The following NUP210 variants were observed in gnomAD, a reference collection of about 807,000 sequenced individuals.
NUP210 encodes the protein nuclear pore membrane glycoprotein 210.
Under a neutral mutation model 196.0 loss-of-function variants are expected in NUP210, and 151 were observed. The ratio of observed to expected loss-of-function variants is 0.77; its 90% confidence interval spans 0.67 to 0.88. The LOEUF (loss-of-function observed/expected upper bound fraction) is 0.88, where lower values mean the gene tolerates loss of function less well. Among genes scored for constraint, NUP210 ranks in the 40% least tolerant of loss-of-function variants. NUP210 has a pLI of 0.00. For missense variants in NUP210, 2,314 were observed against 2,493.7 expected (o/e 0.93, Z 1.53); for synonymous variants, 1,070 against 1,052.7 (o/e 1.02, Z -0.32).
chr3:13,344,477 T>C (rs535526445), intron 20 of NUP210, among the ~76,000 whole-genome samples: 1 of 152,306 alleles, frequency 6.6e-6, no homozygotes, highest in African/African-American at 2.4e-5. Flanking sequence ...CAAGAGGTTT[T>C]AAAGTAAGCA....
chr3:13,328,953 G>A lies in NUP210; in HGVS notation c.4111-7C>T. Reference sequence around the variant, plus strand: ...GGTAGGAAACAGGGGATACCTAAGGGACAACATACAGGTATGATGAGGATT... The same window carrying A: ...GGTAGGAAACAGGGGATACCTAAGGAACAACATACAGGTATGATGAGGATT... On this transcript the variant is annotated splice_polypyrimidine_tract_variant and splice_region_variant and intron_variant, in intron 30 of 39. Transcript: ENST00000254508. 6.2e-7 allele frequency: 1 copy of A among 1,613,144 alleles called. No individual in the cohort carries two copies.
rs777356271 is a variant in NUP210 at position 13,335,607 on chromosome 3, C to T, written c.3690G>A (p.Ser1230=). ...LDLRGRHHEA[S]IRLPSQYNFA... ...AGTTGTACTGTGACGGGAGTCGGATCGACGCCTGGGAAGACATCAAACACG... is the reference window on the plus strand; with the variant it reads ...AGTTGTACTGTGACGGGAGTCGGATTGACGCCTGGGAAGACATCAAACACG... Residue 1230 remains serine (S), a synonymous_variant, in exon 28 of 40, where the codon TCG becomes TCA. Transcript: ENST00000254508. The T allele has an allele frequency of 9.9e-6, 16 of 1,613,834 alleles. No homozygotes were observed. Among genetic ancestry groups the T allele is most frequent in the East Asian group, 2.2e-5 (1 of 44,892 alleles).
chr3:13,410,070 C>T (rs925191319), intron 1 of NUP210, among the ~76,000 whole-genome samples: 1 of 151,576 alleles, frequency 6.6e-6, no homozygotes, highest in Non-Finnish European at 1.5e-5. Flanking sequence ...CCGTGTTGCC[C>T]AGGCTGGTCT....
At position 13,323,228 on chromosome 3, in the gene NUP210, T is replaced by C. The variant is rs2124830684; in HGVS notation, c.4768+81A>G. On this transcript the variant is annotated intron_variant, in intron 34 of 39. Coordinates refer to ENST00000254508, the MANE Select transcript of NUP210 (RefSeq NM_024923.4). This position sits in a 1 kb window ranked among gnomAD's most constrained non-coding sequence, Gnocchi z 4.3. Reference sequence around the variant, plus strand: ...TGTGAGTGTGAATAGGAGAAGCAGATAAACTCCATCCAGAGGACACAGGAA... The same window carrying C: ...TGTGAGTGTGAATAGGAGAAGCAGACAAACTCCATCCAGAGGACACAGGAA... 6.4e-7 allele frequency: 1 copy of C among 1,572,384 alleles called. No individual in the cohort carries two copies. The highest frequency in any genetic ancestry group is 8.7e-7 in the Non-Finnish European group (1 of 1,152,650).
At chr3:13,358,120 CTA>C (rs758678774) in intron 16 of NUP210, 100 bp downstream of exon 16, 43 of 1,040,146 alleles carry the variant, frequency 4.1e-5, no homozygotes, top group Middle Eastern at 3.3e-4. Context: ...CAGCGTGGAG[CTA>C]TGTCCGTTGC....
At chr3:13,419,472 G>A (rs546421534) in intron 1 of NUP210, among the ~76,000 whole-genome samples, 1 of 152,188 alleles carries the variant, frequency 6.6e-6, no homozygotes, top group Non-Finnish European at 1.5e-5. Context: ...ATCAGGACCC[G>A]CGCCGAGGCA....
intron 3 of NUP210, among the ~76,000 whole-genome samples, chr3:13,396,647 C>A (rs1379529769): frequency 6.8e-6 from 1 of 147,348 alleles, no homozygotes. Context: ...CTAATCCTAG[C>A]TACTTGGGAG....
rs139309912 is a variant in NUP210 at position 13,366,016 on chromosome 3, A to G, written c.1862T>C (p.Leu621Pro). ...KAEAQGSTTL[L>P]VSYRHGHVHL... ...GACGTGGCCGTGTCTGTAGCTCACAAGAAGCGTGGTAGAGCCCTGGGCCTC... is the reference window on the plus strand; with the variant it reads ...GACGTGGCCGTGTCTGTAGCTCACAGGAAGCGTGGTAGAGCCCTGGGCCTC... Residue 621 changes from leucine (L) to proline (P), a missense_variant, in exon 14 of 40, where the codon CTT becomes CCT. Transcript: ENST00000254508. 106 of 1,614,116 alleles carry G rather than the reference A, an allele frequency of 6.6e-5. No individual in the cohort carries two copies. Among genetic ancestry groups the G allele is most frequent in the Non-Finnish European group, 7.1e-5 (84 of 1,180,046 alleles).
At chr3:13,334,649 G>A (rs1434127487) in intron 28 of NUP210, among the ~76,000 whole-genome samples, 2 of 152,156 alleles carry the variant, frequency 1.3e-5, no homozygotes, top group African/African-American at 2.4e-5. Context: ...GCACCCAGGG[G>A]TTACTGAGGC....
intron 1 of NUP210, among the ~76,000 whole-genome samples, chr3:13,401,745 G>T (rs977484316): frequency 6.6e-6 from 1 of 152,170 alleles, no homozygotes; most frequent in Non-Finnish European, 1.5e-5. Context: ...ACACACAAGA[G>T]TGTGGAAACA....
chr3:13,353,741 G>T, intron 17 of NUP210, 81 bp from the exon 18 acceptor site: 1 of 1,355,312 alleles, frequency 7.4e-7, no homozygotes, highest in Non-Finnish European at 1.1e-6. Flanking sequence ...CTTCTGATTT[G>T]CAGTTTCGAA....
chr3:13,371,519 A>C (rs1698730253), intron 13 of NUP210, among the ~76,000 whole-genome samples: 1 of 152,232 alleles, frequency 6.6e-6, no homozygotes, highest in African/African-American at 2.4e-5. Context: ...CCCTATTGAC[A>C]ACGCATTCTG....
intron 4 of NUP210, among the ~76,000 whole-genome samples, chr3:13,389,713 C>G (rs1016324384): frequency 2.6e-5 from 4 of 152,126 alleles, no homozygotes; most frequent in African/African-American, 9.7e-5. Context: ...CCACCACATC[C>G]CCAACATCCC....
intron 16 of NUP210, among the ~76,000 whole-genome samples, chr3:13,355,764 G>C (rs901805784): frequency 6.6e-6 from 1 of 152,234 alleles, no homozygotes; most frequent in African/African-American, 2.4e-5. Flanking sequence ...GAAGCCGGGA[G>C]TTTGGGCAGG....
In NUP210 at chr3:13,342,786, T is replaced by C. The variant is rs560136981; in HGVS notation, c.2964+389A>G. Among the ~76,000 whole-genome samples the C allele has an allele frequency of 3.3e-5, 5 of 152,330 alleles. No homozygotes were observed. The South Asian group carries it at 1.0e-3, about 32-fold the overall frequency. On this transcript the variant is annotated intron_variant, in intron 21 of 39. Transcript: ENST00000254508. ...AATGGCGCTTGGCATGGGTGAGTTGTACTCATTTGCCACTGACACCCCAGT... is the reference window on the plus strand; with the variant it reads ...AATGGCGCTTGGCATGGGTGAGTTGCACTCATTTGCCACTGACACCCCAGT...
Position 13,397,531 on chromosome 3 carries a change from C to T in NUP210, c.305-43G>A, listed in dbSNP as rs373824539. On this transcript the variant is annotated intron_variant, in intron 2 of 39. Transcript: ENST00000254508. ...AGGGGTCAGCACCAAAGACAGTCCC[C>T]GCCCCTGGCTCCACTTCCAAGCCTT... The T allele has an allele frequency of 9.2e-4, 1,399 of 1,518,528 alleles. 1 individual carries two copies. Among genetic ancestry groups the T allele is most frequent in the Middle Eastern group, 3.7e-3 (21 of 5,702 alleles). 94.1% of individuals were successfully genotyped at this position (1,518,528 alleles called of 1,614,324 possible).
chr3:13,407,635 C>T (rs906688823), intron 1 of NUP210, among the ~76,000 whole-genome samples: 1 of 152,138 alleles, frequency 6.6e-6, no homozygotes, highest in African/African-American at 2.4e-5. Context: ...CCCTCCACCT[C>T]ACATGACCTC....
At position 13,353,915 on chromosome 3, in the gene NUP210, C is replaced by T. The variant is rs894642797; in HGVS notation, c.2521G>A (p.Gly841Ser). Residue 841 changes from glycine (G) to serine (S), a missense_variant and splice_region_variant, in exon 17 of 40, where the codon GGT (glycine) becomes AGT (serine). Physicochemically the swap from Gly to Ser is moderately conservative, Grantham distance 56. Coordinates refer to ENST00000254508, the MANE Select transcript of NUP210 (RefSeq NM_024923.4). ...DDESGQKKLHGLQAILVHEAS... is the reference protein window; with the variant it reads ...DDESGQKKLHSLQAILVHEAS... ...GCCATCAGGCTTGTGCCCAGCTCAC[C>T]GTGCAGCTTCTTTTGGCCACTCTCA... 7 of 1,605,306 alleles carry T rather than the reference C, an allele frequency of 4.4e-6. No individual in the cohort carries two copies. The highest frequency in any genetic ancestry group is 2.2e-5 in the East Asian group (1 of 44,790).
At chr3:13,336,941 A>G in intron 26 of NUP210, 23 bp from the exon 27 acceptor site, 3 of 1,612,048 alleles carry the variant, frequency 1.9e-6, no homozygotes, top group Non-Finnish European at 2.5e-6. Context: ...AGTCAGGCCC[A>G]GTGAGCAGTA....
Sources: gnomAD v4.1 joint callset for allele counts (sites outside exome capture counted in the v4.1 genomes callset) on GRCh38, gnomAD v4.1.1 for gene constraint, Gnocchi (gnomAD v3.1) non-coding constraint, MANE v1.5 for transcripts, NCBI Gene and HGNC (gene_info 2026-07-23, HGNC 2026-07-21) for gene names.